CPVL: variants seen among roughly 807,000 people sequenced by gnomAD.
The protein encoded by CPVL is carboxypeptidase vitellogenic like.
In CPVL, 51 loss-of-function variants were observed where a neutral mutation model predicts 63.7. That is an observed-to-expected ratio of 0.80 (90% CI 0.64 to 1.01). The LOEUF (loss-of-function observed/expected upper bound fraction) is 1.01, where lower values mean the gene tolerates loss of function less well. Among genes scored for constraint, CPVL ranks in the 50% least tolerant of loss-of-function variants. CPVL has a pLI of 0.00. For synonymous variants in CPVL, 195 were observed against 206.0 expected, an observed-to-expected ratio of 0.95 and a Z score of 0.46; for missense variants, 530 against 573.1, an observed-to-expected ratio of 0.92 and a Z score of 0.77.
At chr7:29,110,781 AGATTATCCTG>A (rs545396784) in intron 3 of CPVL, among the ~76,000 whole-genome samples, 1 of 152,336 alleles carries the variant, frequency 6.6e-6, no homozygotes, top group African/African-American at 2.4e-5. Context: ...TAAAATAGGG[AGATTATCCTG>A]GATTATCCAG....
intron 7 of CPVL, among the ~76,000 whole-genome samples, chr7:29,079,777 T>C (rs1784525330): frequency 6.6e-6 from 1 of 152,196 alleles, no homozygotes; most frequent in Non-Finnish European, 1.5e-5. Context: ...GTTGCCACCC[T>C]TCTGTTTGCA....
At chr7:29,179,042 G>A (rs1236028199) in intron 5 of CPVL, among the ~76,000 whole-genome samples, 1 of 152,090 alleles carries the variant, frequency 6.6e-6, no homozygotes, top group Non-Finnish European at 1.5e-5. Context: ...GGATTATAGG[G>A]GACCCAGCAT....
chr7:29,084,348 A>G (rs1164568898), intron 7 of CPVL, among the ~76,000 whole-genome samples: 3 of 152,134 alleles, frequency 2.0e-5, no homozygotes, highest in Non-Finnish European at 4.4e-5. Context: ...AGCTCTTCTT[A>G]CAGATACTGC....
At chr7:29,160,393 C>T (rs146648700) in intron 5 of CPVL, among the ~76,000 whole-genome samples, 12 of 152,272 alleles carry the variant, frequency 7.9e-5, no homozygotes, top group African/African-American at 2.6e-4. Context: ...CATGTCATTC[C>T]CCTTCCTGTT....
chr7:29,002,264 A>G (rs1282415296), intron 12 of CPVL, among the ~76,000 whole-genome samples: 1 of 152,172 alleles, frequency 6.6e-6, no homozygotes, highest in Non-Finnish European at 1.5e-5. Flanking sequence ...ACTGGTAAGC[A>G]CTGCAGGCTT....
chr7:29,028,000 A>G (rs545553676), intron 12 of CPVL, among the ~76,000 whole-genome samples: 1 of 152,234 alleles, frequency 6.6e-6, no homozygotes, highest in Non-Finnish European at 1.5e-5. Flanking sequence ...AATACTGAGC[A>G]AAAAGAACAA....
intron 2 of CPVL, among the ~76,000 whole-genome samples, chr7:29,118,006 G>A (rs904398625): frequency 5.9e-5 from 9 of 152,190 alleles, no homozygotes; most frequent in Non-Finnish European, 1.2e-4. Flanking sequence ...TACTTTAAAT[G>A]TAATACTTTA....
intron 5 of CPVL, among the ~76,000 whole-genome samples, chr7:29,167,348 A>G (rs943100482): frequency 6.6e-6 from 1 of 152,184 alleles, no homozygotes; most frequent in Non-Finnish European, 1.5e-5. Flanking sequence ...TTCATATTCT[A>G]TCCTAAATGG....
At chr7:29,180,059 T>C (rs935517016) in intron 5 of CPVL, among the ~76,000 whole-genome samples, 2 of 152,340 alleles carry the variant, frequency 1.3e-5, no homozygotes, top group African/African-American at 4.8e-5. Flanking sequence ...ATGTAGGTTA[T>C]TTCATTTCCA....
At chr7:29,103,689 T>C (rs1316084938) in intron 3 of CPVL, among the ~76,000 whole-genome samples, 2 of 152,154 alleles carry the variant, frequency 1.3e-5, no homozygotes, top group Non-Finnish European at 2.9e-5. Context: ...TCAGGACTGG[T>C]TACATATCCC....
intron 4 of CPVL, among the ~76,000 whole-genome samples, chr7:29,182,731 G>A (rs1798215582): frequency 6.6e-6 from 1 of 152,220 alleles, no homozygotes; most frequent in South Asian, 2.1e-4. Flanking sequence ...AAGAGGGTCT[G>A]AAGCATTAAG....
intron 5 of CPVL, among the ~76,000 whole-genome samples, chr7:29,173,314 G>A (rs114969369): frequency 6.6e-6 from 1 of 152,020 alleles, no homozygotes; most frequent in African/African-American, 2.4e-5. Context: ...TGGTAGCCTC[G>A]AGTGGGGGCC....
rs150063705 is a variant in CPVL at position 29,095,995 on chromosome 7, C to A, written c.403+108G>T. 14 of 881,440 alleles carry A rather than the reference C, an allele frequency of 1.6e-5. No individual in the cohort carries two copies. In the East Asian group the frequency reaches 2.7e-4, roughly 17 times the overall value. The allele number at this position is 881,440 out of a possible 1,614,324, so 54.6% of individuals were successfully genotyped here. On this transcript the variant is annotated intron_variant, in intron 4 of 12. Coordinates refer to ENST00000265394, the MANE Select transcript of CPVL (RefSeq NM_031311.5). ...AAAGTTGTGTTTTGATAATCTGGAACGGTTAAGCTATTCATAGTGGTTCAG... is the reference window on the plus strand; with the variant it reads ...AAAGTTGTGTTTTGATAATCTGGAAAGGTTAAGCTATTCATAGTGGTTCAG...
At chr7:29,030,822 T>C in intron 11 of CPVL, 63 bp from the exon 12 acceptor site, 1 of 1,352,992 alleles carries the variant, frequency 7.4e-7, no homozygotes, top group Non-Finnish European at 1.0e-6. Context: ...TGAATCGAGC[T>C]AGGTATAAAT....
At chr7:29,147,286 A>G (rs1265679943), upstream of CPVL, 1 of 302,104 alleles carries the variant, frequency 3.3e-6, no homozygotes, top group African/African-American at 2.2e-5. Context: ...CAACTGCCAG[A>G]CAGGTGGGAG....
chr7:29,158,390 T>A (rs1382440392), intron 5 of CPVL, among the ~76,000 whole-genome samples: 1 of 152,216 alleles, frequency 6.6e-6, no homozygotes, highest in Non-Finnish European at 1.5e-5. Flanking sequence ...ACATGTAACA[T>A]GATGTCTGAT....
At chr7:29,119,917 A>T (rs1162758444) in intron 2 of CPVL, among the ~76,000 whole-genome samples, 1 of 152,092 alleles carries the variant, frequency 6.6e-6, no homozygotes, top group Admixed American at 6.5e-5. Flanking sequence ...GGATGTTGAG[A>T]TGTTTAAATA....
chr7:29,061,896 G>C (rs1001980482), intron 11 of CPVL, among the ~76,000 whole-genome samples: 1 of 150,112 alleles, frequency 6.7e-6, no homozygotes, highest in African/African-American at 2.5e-5. Context: ...CAGTGAGCCA[G>C]TCGCACCATT....
At chr7:29,132,889 T>C (rs983132850) in intron 1 of CPVL, among the ~76,000 whole-genome samples, 3 of 152,202 alleles carry the variant, frequency 2.0e-5, no homozygotes, top group African/African-American at 7.2e-5. Context: ...TGGTTAATAG[T>C]ATCAGCTTCA....
Sources: gnomAD v4.1 joint callset for allele counts (sites outside exome capture counted in the v4.1 genomes callset) on GRCh38, gnomAD v4.1.1 for gene constraint, MANE v1.5 for transcripts, NCBI Gene and HGNC (gene_info 2026-07-23, HGNC 2026-07-21) for gene names.